The following FCHSD2 variants were observed in gnomAD, a reference collection of about 807,000 sequenced individuals.
FCHSD2 encodes FCH and double SH3 domains 2, also known as F-BAR and double SH3 domains protein 2.
A neutral mutation model predicts 108.1 loss-of-function variants in FCHSD2; 38 were observed. The ratio of observed to expected loss-of-function variants is 0.35; its 90% CI spans 0.27 to 0.46. The LOEUF is 0.46. FCHSD2 is among the 20% of genes least tolerant of loss of function. The probability of loss-of-function intolerance (pLI) is 1.00; values close to 1 mark genes in which losing one functional copy is unlikely to be tolerated. For synonymous variants in FCHSD2, 279 were observed against 314.7 expected (o/e 0.89, Z 1.20); for missense variants, 751 against 897.8 (o/e 0.84, Z 2.09).
rs184009962 is a variant in FCHSD2 at position 73,032,397 on chromosome 11, T to A, written c.166-16512A>T. Among the ~76,000 whole-genome samples the A allele has an allele frequency of 4.1e-3, 618 of 152,234 alleles. 3 individuals are homozygous for A. The highest frequency in any genetic ancestry group is 8.4e-3 in the Admixed American group (129 of 15,294). On this transcript the variant is annotated intron_variant, in intron 3 of 19. Coordinates refer to ENST00000409418, the MANE Select transcript of FCHSD2 (RefSeq NM_014824.3). ...GTGTGCATTGCCTGGTTAATTTTTT[T>A]AATTTTTTTATAGAGACAGGGTCTC...
intron 8 of FCHSD2, among the ~76,000 whole-genome samples, chr11:72,959,139 T>C (rs1444217459): frequency 2.6e-5 from 4 of 151,346 alleles, no homozygotes; most frequent in African/African-American, 7.3e-5. Flanking sequence ...TATGATTCTG[T>C]CAATACTCTT....
chr11:73,100,887 GT>G (rs1860209597), intron 2 of FCHSD2, among the ~76,000 whole-genome samples: 1 of 140,592 alleles, frequency 7.1e-6, no homozygotes, highest in African/African-American at 2.7e-5. Flanking sequence ...CCTTAATGCT[GT>G]TTAGAGGTCC....
intron 2 of FCHSD2, among the ~76,000 whole-genome samples, chr11:73,135,662 C>T (rs1861104830): frequency 6.6e-6 from 1 of 152,172 alleles, no homozygotes; most frequent in South Asian, 2.1e-4. Context: ...ACAGGAAACA[C>T]ATCAGTATAA....
chr11:72,945,224 G>C (rs912927716), intron 8 of FCHSD2, among the ~76,000 whole-genome samples: 1 of 152,110 alleles, frequency 6.6e-6, no homozygotes, highest in Non-Finnish European at 1.5e-5. Context: ...GAACAGAACA[G>C]AGCCCTCAGA....
At chr11:73,016,700 A>G (rs1441675840) in intron 3 of FCHSD2, among the ~76,000 whole-genome samples, 1 of 152,226 alleles carries the variant, frequency 6.6e-6, no homozygotes, top group African/African-American at 2.4e-5. Flanking sequence ...GTGCTGTTCC[A>G]TATTATTAAT....
chr11:73,046,729 T>C (rs771362419), intron 3 of FCHSD2, among the ~76,000 whole-genome samples: 2 of 152,152 alleles, frequency 1.3e-5, no homozygotes, highest in African/African-American at 2.4e-5. Flanking sequence ...ACATTTATTG[T>C]AGTATGTGTA....
At chr11:73,016,233 G>A (rs1380220702) in intron 3 of FCHSD2, among the ~76,000 whole-genome samples, 1 of 151,718 alleles carries the variant, frequency 6.6e-6, no homozygotes, top group Non-Finnish European at 1.5e-5. Context: ...AATCCAGGAG[G>A]CGGAGGCTGC....
intron 3 of FCHSD2, among the ~76,000 whole-genome samples, chr11:73,060,976 C>T (rs1859146005): frequency 6.6e-6 from 1 of 152,162 alleles, no homozygotes; most frequent in African/African-American, 2.4e-5. Context: ...TTATATAGAA[C>T]TGTTGATAAA....
chr11:72,887,997 G>GAAT (rs1194458698), intron 11 of FCHSD2, among the ~76,000 whole-genome samples: 1 of 152,240 alleles, frequency 6.6e-6, no homozygotes, highest in East Asian at 1.9e-4. Flanking sequence ...ACAGGCAAGA[G>GAAT]ATTATATGGA....
chr11:73,117,528 A>G (rs1041190361), intron 2 of FCHSD2, among the ~76,000 whole-genome samples: 1 of 152,144 alleles, frequency 6.6e-6, no homozygotes, highest in Non-Finnish European at 1.5e-5. Context: ...ATACCCTACA[A>G]GTTTGTTTAT....
chr11:73,097,131 T>G (rs1025452953), intron 2 of FCHSD2, among the ~76,000 whole-genome samples: 1 of 150,248 alleles, frequency 6.7e-6, no homozygotes. Context: ...GCCTCCCAAA[T>G]AGCTAGAACT....
intron 1 of FCHSD2, chr11:73,141,154 A>C (rs1861237198): frequency 6.6e-6 from 1 of 152,390 alleles, no homozygotes; most frequent in Admixed American, 6.5e-5. Flanking sequence ...ACTGATGACA[A>C]GCCGGGTGCA....
intron 12 of FCHSD2, among the ~76,000 whole-genome samples, chr11:72,871,966 G>GT (rs941925277): frequency 3.3e-5 from 5 of 151,788 alleles, no homozygotes; most frequent in African/African-American, 1.2e-4. Flanking sequence ...GTTCTGACTT[G>GT]TATCACTGGG....
At chr11:73,113,853 C>T (rs986107620) in intron 2 of FCHSD2, among the ~76,000 whole-genome samples, 4 of 152,118 alleles carry the variant, frequency 2.6e-5, no homozygotes, top group Non-Finnish European at 5.9e-5. Context: ...AGTGGTACTG[C>T]CTTAGTGGTC....
chr11:72,866,870 A>C (rs961929689), intron 13 of FCHSD2, among the ~76,000 whole-genome samples: 4 of 152,218 alleles, frequency 2.6e-5, no homozygotes, highest in Admixed American at 1.3e-4. Context: ...CAAGCATTTA[A>C]AGAGGCACTA....
At chr11:73,128,058 GC>G (rs1372203865) in intron 2 of FCHSD2, among the ~76,000 whole-genome samples, 10 of 151,482 alleles carry the variant, frequency 6.6e-5, no homozygotes, top group African/African-American at 2.2e-4. Flanking sequence ...TTGCCTGCGG[GC>G]CCTTTGACCA....
At chr11:72,996,066 AG>A (rs1377223850) in intron 5 of FCHSD2, among the ~76,000 whole-genome samples, 4 of 152,196 alleles carry the variant, frequency 2.6e-5, no homozygotes, top group Non-Finnish European at 1.5e-5. Context: ...TGAGGATAAA[AG>A]GAGCAAGATA....
chr11:72,948,101 G>A (rs1414776676), intron 8 of FCHSD2, among the ~76,000 whole-genome samples: 1 of 152,034 alleles, frequency 6.6e-6, no homozygotes, highest in Non-Finnish European at 1.5e-5. Flanking sequence ...TCCACCTCTG[G>A]GTTTCAAGTA....
chr11:73,036,795 A>C (rs573975765), intron 3 of FCHSD2, among the ~76,000 whole-genome samples: 41 of 152,198 alleles, frequency 2.7e-4, no homozygotes, highest in Non-Finnish European at 5.7e-4. Context: ...TATTGTGTTC[A>C]CTCATAATTT....
Sources: gnomAD v4.1 joint callset for allele counts (sites outside exome capture counted in the v4.1 genomes callset) on GRCh38, gnomAD v4.1.1 for gene constraint, MANE v1.5 for transcripts, NCBI Gene and HGNC (gene_info 2026-07-23, HGNC 2026-07-21) for gene names.